RAB33A: variants seen among roughly 807,000 people sequenced by gnomAD.
RAB33A encodes the protein ras-related protein Rab-33A.
RAB33A carries 6 observed loss-of-function variants against 12.0 expected under a neutral mutation model. That is an observed-to-expected ratio of 0.50 (90% CI 0.27 to 0.99). RAB33A has a LOEUF of 0.99. Among genes scored for constraint, RAB33A ranks in the 50% least tolerant of loss-of-function variants. The probability of loss-of-function intolerance (pLI) is 0.11; values close to 1 mark genes in which losing one functional copy is unlikely to be tolerated. For missense variants in RAB33A, 109 were observed against 192.0 expected, an observed-to-expected ratio of 0.57 and a Z score of 2.55; for synonymous variants, 70 against 82.4, an observed-to-expected ratio of 0.85 and a Z score of 0.81.
At chrX:130,177,299 A>G (rs1304164482) in intron 1 of RAB33A, among the ~76,000 whole-genome samples, 2 of 112,622 alleles carry the variant, frequency 1.8e-5, no homozygotes, top group East Asian at 2.8e-4. Context: ...CCTTTCTGAG[A>G]CCAGAGCAAC....
At chrX:130,146,720 G>A in the RAB33A span, among the ~76,000 whole-genome samples, 3 of 111,160 alleles carry the variant, frequency 2.7e-5, no homozygotes, top group Non-Finnish European at 5.7e-5. Flanking sequence ...GTATCTCCAA[G>A]TCTGTCGTGC....
At chrX:130,160,637 C>T in the RAB33A span, among the ~76,000 whole-genome samples, 1 of 111,979 alleles carries the variant, frequency 8.9e-6, no homozygotes, top group East Asian at 2.8e-4. Flanking sequence ...AGACTAGACT[C>T]AAACTCCTGG....
the RAB33A span, chrX:130,137,626 G>C: frequency 8.9e-7 from 1 of 1,123,423 alleles, no homozygotes; most frequent in South Asian, 2.2e-5. Context: ...AGAAGTTTTT[G>C]GCATTTTACA....
At chrX:130,149,084 G>T in the RAB33A span, among the ~76,000 whole-genome samples, 1 of 107,895 alleles carries the variant, frequency 9.3e-6, no homozygotes, top group Admixed American at 1.0e-4. Context: ...ACCACGCCTG[G>T]CTAATTTTTG....
chrX:130,117,439 AC>A, the RAB33A span, among the ~76,000 whole-genome samples: 1 of 110,942 alleles, frequency 9.0e-6, no homozygotes, highest in Non-Finnish European at 1.9e-5. Context: ...CTACCCCCCA[AC>A]CCCCGACAGC....
At chrX:130,121,290 C>T in the RAB33A span, among the ~76,000 whole-genome samples, 19 of 99,309 alleles carry the variant, frequency 1.9e-4, no homozygotes, top group South Asian at 9.7e-4. Flanking sequence ...CGCTCTTTCG[C>T]TCAGGCTGCA....
intron 1 of RAB33A, 73 bp from the exon 2 acceptor site, chrX:130,184,212 A>G (rs1377599636): frequency 8.0e-6 from 8 of 999,265 alleles, no homozygotes; most frequent in African/African-American, 1.9e-5. Flanking sequence ...TTATAGTGCT[A>G]CAGAACCATG....
At chrX:130,121,263 T>G in the RAB33A span, among the ~76,000 whole-genome samples, 3 of 104,040 alleles carry the variant, frequency 2.9e-5, no homozygotes, top group Admixed American at 3.0e-4. Flanking sequence ...TTTTTTTTTT[T>G]TTTTTTGGCG....
chrX:130,119,064 G>A, the RAB33A span, among the ~76,000 whole-genome samples: 1 of 111,623 alleles, frequency 9.0e-6, no homozygotes, highest in Non-Finnish European at 1.9e-5. Flanking sequence ...AGTCCAAGAC[G>A]GAGGTGGCCA....
the RAB33A span, among the ~76,000 whole-genome samples, chrX:130,151,523 C>T: frequency 8.9e-6 from 1 of 111,846 alleles, no homozygotes; most frequent in South Asian, 3.7e-4. Context: ...GGAACCTGAA[C>T]CCTGAGAGCT....
chrX:130,153,984 C>T, the RAB33A span, among the ~76,000 whole-genome samples: 1 of 112,313 alleles, frequency 8.9e-6, no homozygotes, highest in African/African-American at 3.2e-5. Flanking sequence ...GTTCATAGTT[C>T]TCTTGAGACT....
At chrX:130,117,789 A>G in the RAB33A span, among the ~76,000 whole-genome samples, 2 of 112,301 alleles carry the variant, frequency 1.8e-5, no homozygotes, top group East Asian at 5.6e-4. Context: ...GCTTCTGTCC[A>G]GTGGTGCCAG....
intron 1 of RAB33A, among the ~76,000 whole-genome samples, chrX:130,180,702 C>T (rs768196772): frequency 2.9e-5 from 3 of 102,998 alleles, no homozygotes; most frequent in East Asian, 3.3e-4. Context: ...GTGATCCGCC[C>T]GCCTCAGCCT....
chrX:130,160,593 T>A, the RAB33A span, among the ~76,000 whole-genome samples: 1 of 112,035 alleles, frequency 8.9e-6, no homozygotes, highest in East Asian at 2.8e-4. Context: ...CTATTAAAAT[T>A]TTTTTTAAAT....
chrX:130,120,672 G>A, the RAB33A span, among the ~76,000 whole-genome samples: 1 of 112,342 alleles, frequency 8.9e-6, no homozygotes, highest in Non-Finnish European at 1.9e-5. Flanking sequence ...CTCGGCCGCG[G>A]GGCTGATCTC....
At chrX:130,149,484 TTTTCTG>T in the RAB33A span, 2 of 1,208,345 alleles carry the variant, frequency 1.7e-6, no homozygotes, top group Non-Finnish European at 2.2e-6. Context: ...AACGCGGCCT[TTTTCTG>T]TTTCTGTTCT....
rs146928242 is a variant in RAB33A, at chrX:130,184,433, A to G, written c.407A>G (p.Asn136Ser). The G allele has an allele frequency of 7.1e-5, 86 of 1,210,428 alleles. No homozygotes were observed. Among genetic ancestry groups the G allele is most frequent in the Non-Finnish European group, 8.3e-5 (74 of 895,125 alleles). ...CTCAAAATGTGGATCCAAGAATGCA[A>G]TGGGCATGCTGTGCCCCCACTAGTC... Reference protein sequence around the residue: ...TNLKMWIQECNGHAVPPLVPK... With the variant: ...TNLKMWIQECSGHAVPPLVPK... Residue 136 changes from asparagine to serine, a missense_variant, in exon 2 of 2, where the codon AAT becomes AGT. By Grantham distance (46) the Asn-to-Ser change is conservative. Transcript: ENST00000257017.
At chrX:130,127,983 C>T in the RAB33A span, among the ~76,000 whole-genome samples, 2 of 111,485 alleles carry the variant, frequency 1.8e-5, no homozygotes, top group Middle Eastern at 4.6e-3. Flanking sequence ...AGCCACTGTG[C>T]GCAACCCTAG....
chrX:130,156,437 T>C, the RAB33A span: 2 of 1,211,074 alleles, frequency 1.7e-6, no homozygotes, highest in East Asian at 3.0e-5. Context: ...GCAGCTTCTT[T>C]ATACACGCTG....
Sources: gnomAD v4.1 joint callset for allele counts (sites outside exome capture counted in the v4.1 genomes callset) on GRCh38, gnomAD v4.1.1 for gene constraint, MANE v1.5 for transcripts, NCBI Gene and HGNC (gene_info 2026-07-23, HGNC 2026-07-21) for gene names.